KLHL23: variants seen among roughly 807,000 people sequenced by gnomAD.
KLHL23 encodes kelch like family member 23.
In KLHL23, 33 loss-of-function variants were observed where a neutral mutation model predicts 48.9. That is an observed-to-expected ratio of 0.67 (90% CI 0.51 to 0.90). The LOEUF (loss-of-function observed/expected upper bound fraction) is 0.90, where lower values mean the gene tolerates loss of function less well. Among genes scored for constraint, KLHL23 ranks in the 40% least tolerant of loss-of-function variants. The probability of loss-of-function intolerance (pLI) is 0.00; values close to 1 mark genes in which losing one functional copy is unlikely to be tolerated. For missense variants in KLHL23, 608 were observed against 669.6 expected (o/e 0.91, Z 1.02); for synonymous variants, 234 against 231.6 (o/e 1.01, Z -0.09).
chr2:169,740,784 A>ATATT (rs1404886432), intron 2 of KLHL23, among the ~76,000 whole-genome samples: 3 of 123,518 alleles, frequency 2.4e-5, no homozygotes, highest in Admixed American at 2.3e-4. Flanking sequence ...ATATATATAT[A>ATATT]TATATATAAC....
At chr2:169,748,316 G>A (rs1688846107) in intron 3 of KLHL23, among the ~76,000 whole-genome samples, 1 of 152,186 alleles carries the variant, frequency 6.6e-6, no homozygotes, top group African/African-American at 2.4e-5. Context: ...CTGGGGAGAG[G>A]AGAGACTTCA....
chr2:169,734,491 G>A (rs1355564349), intron 1 of KLHL23, among the ~76,000 whole-genome samples: 3 of 152,046 alleles, frequency 2.0e-5, no homozygotes, highest in Non-Finnish European at 4.4e-5. Context: ...GCTGCGCCGA[G>A]CTGCCTTCCT....
At chr2:169,740,769 TATATATATA>T (rs1688657127) in intron 2 of KLHL23, among the ~76,000 whole-genome samples, 3 of 86,964 alleles carry the variant, frequency 3.4e-5, no homozygotes, top group African/African-American at 2.0e-4. Flanking sequence ...TTTTATATTA[TATATATATA>T]TATATATATA....
chr2:169,735,073 T>C lies in KLHL23; in HGVS notation c.59T>C (p.Val20Ala). ...CTTTTCAAGGATTCAACACATCCAG[T>C]GGATTTTCTGGATGCATTCAGAACA... ...IYLFKDSTHP[V>A]DFLDAFRTFY... Residue 20 changes from valine to alanine, a missense_variant, in exon 2 of 4, where the codon GTG (valine) becomes GCG (alanine). Transcript: ENST00000392647. This position sits in a 1 kb window ranked among gnomAD's most constrained non-coding sequence, Gnocchi z 4.5. 1.3e-6 allele frequency: 2 copies of C among 1,597,458 alleles called. No homozygotes were observed. Among genetic ancestry groups the C allele is most frequent in the African/African-American group, 2.7e-5 (2 of 74,138 alleles).
chr2:169,747,818 G>T (rs539204039), intron 3 of KLHL23, among the ~76,000 whole-genome samples: 1 of 152,242 alleles, frequency 6.6e-6, no homozygotes, highest in South Asian at 2.1e-4. Flanking sequence ...TTCCTGTGCT[G>T]CCAGGAGGGA....
chr2:169,739,079 G>A (rs1205659953), intron 2 of KLHL23, among the ~76,000 whole-genome samples: 1 of 118,304 alleles, frequency 8.5e-6, no homozygotes, highest in African/African-American at 3.3e-5. Flanking sequence ...TCCCCTCCTC[G>A]ACTTCCCCCA....
chr2:169,735,007 T>C lies in KLHL23; in HGVS notation c.-2-6T>C. The C allele has an allele frequency of 6.6e-7, 1 of 1,523,772 alleles. No individual in the cohort carries two copies. The highest frequency in any genetic ancestry group is 8.8e-7 in the Non-Finnish European group (1 of 1,141,702). 94.4% of individuals were successfully genotyped at this position (1,523,772 alleles called of 1,614,324 possible). ...AAACACATTTGTTATTTCATATTTA[T>C]TGCAGCCATGGCTCTAAAAGGACAA... is the stretch of plus-strand genomic sequence containing the variant. On this transcript the variant is annotated splice_region_variant and splice_polypyrimidine_tract_variant and intron_variant, in intron 1 of 3. Coordinates refer to ENST00000392647, the MANE Select transcript of KLHL23 (RefSeq NM_144711.6). This position sits in a 1 kb window ranked among gnomAD's most constrained non-coding sequence, Gnocchi z 4.5.
intron 2 of KLHL23, among the ~76,000 whole-genome samples, chr2:169,738,836 C>G (rs868676309): frequency 6.4e-4 from 8 of 12,420 alleles, no homozygotes; most frequent in East Asian, 8.5e-3. Flanking sequence ...TCCTCCCCCT[C>G]CTCCCCCTCC....
chr2:169,750,015 G>GCGTGTATGTATACATATATGTGTATATA lies in KLHL23; in HGVS notation c.*283_*284insCGTGTATGTATACATATATGTGTATATA. 1 of 102,774 alleles carries GCGTGTATGTATACATATATGTGTATATA rather than the reference G, an allele frequency of 9.7e-6. No homozygotes were observed. The highest frequency in any genetic ancestry group is 1.8e-5 in the Non-Finnish European group (1 of 54,074). 6.4% of individuals were successfully genotyped at this position (102,774 alleles called of 1,614,324 possible). ...TGTATACATATATGTGTATATATACGTATGTATGTATACATATGTGTATAT... is the reference window on the plus strand; with the variant it reads ...TGTATACATATATGTGTATATATACGCGTGTATGTATACATATATGTGTATATATATGTATGTATACATATGTGTATAT... On this transcript the variant is annotated 3_prime_UTR_variant, in exon 4 of 4. Transcript: ENST00000392647.
chr2:169,745,390 G>T (rs1482985660), intron 3 of KLHL23, among the ~76,000 whole-genome samples: 1 of 151,964 alleles, frequency 6.6e-6, no homozygotes, highest in Non-Finnish European at 1.5e-5. Context: ...GCGGGCACCT[G>T]TAGTCCTAGC....
intron 3 of KLHL23, among the ~76,000 whole-genome samples, chr2:169,742,864 T>C (rs951121178): frequency 1.3e-5 from 2 of 152,226 alleles, no homozygotes; most frequent in Non-Finnish European, 2.9e-5. Context: ...GAGAAATAGC[T>C]AGCATTTATT....
chr2:169,742,531 G>T (rs62173313), intron 3 of KLHL23, among the ~76,000 whole-genome samples: 10,082 of 152,272 alleles, frequency 0.066, 364 homozygotes, highest in Non-Finnish European at 0.088. Flanking sequence ...TCCATAACTT[G>T]TGCTGTAGCC....
chr2:169,734,439 A>G (rs1688461876), intron 1 of KLHL23, among the ~76,000 whole-genome samples: 1 of 149,254 alleles, frequency 6.7e-6, no homozygotes. Context: ...GCGCGCGGAA[A>G]CCCCTGCGGC....
chr2:169,740,766 T>TTTTATA (rs1553477016), intron 2 of KLHL23, among the ~76,000 whole-genome samples: 16,517 of 125,174 alleles, frequency 0.13, 1,507 homozygotes, highest in South Asian at 0.25. Flanking sequence ...CTTTTTTATA[T>TTTTATA]TATATATATA....
chr2:169,749,989 A>T lies in KLHL23; in HGVS notation c.*257A>T, dbSNP rs1443087469. On this transcript the variant is annotated 3_prime_UTR_variant, in exon 4 of 4. Coordinates refer to ENST00000392647, the MANE Select transcript of KLHL23 (RefSeq NM_144711.6). ...TACATATATATGTGTATATATACGTATGTATACATATATGTGTATATATAC... is the reference window on the plus strand; with the variant it reads ...TACATATATATGTGTATATATACGTTTGTATACATATATGTGTATATATAC... 1 of 197,614 alleles carries T rather than the reference A, an allele frequency of 5.1e-6. No homozygotes were observed. Among genetic ancestry groups the T allele is most frequent in the African/African-American group, 2.5e-5 (1 of 39,304 alleles). 12.2% of individuals were successfully genotyped at this position (197,614 alleles called of 1,614,324 possible).
At chr2:169,745,027 C>G (rs12996350) in intron 3 of KLHL23, among the ~76,000 whole-genome samples, 1 of 151,324 alleles carries the variant, frequency 6.6e-6, no homozygotes, top group South Asian at 2.1e-4. Context: ...ATTCTTGTGT[C>G]TCAGCCTCCC....
chr2:169,739,844 G>A (rs560067111), intron 2 of KLHL23, among the ~76,000 whole-genome samples: 3 of 152,200 alleles, frequency 2.0e-5, no homozygotes, highest in Non-Finnish European at 4.4e-5. Flanking sequence ...CACCTAGGCT[G>A]TGTGGTATAG....
At chr2:169,741,262 C>T in intron 2 of KLHL23, 123 bp from the exon 3 acceptor site, 3 of 1,330,082 alleles carry the variant, frequency 2.3e-6, no homozygotes, top group Non-Finnish European at 3.0e-6. Flanking sequence ...CCTTATAGCA[C>T]TTAGCACAGT....
In KLHL23 at chr2:169,749,576, T is replaced by C; in HGVS notation, c.1521T>C (p.Asn507=). 3 of 1,614,096 alleles carry C rather than the reference T, an allele frequency of 1.9e-6. No homozygotes were observed. Among genetic ancestry groups the C allele is most frequent in the Non-Finnish European group, 2.5e-6 (3 of 1,180,020 alleles). The change falls in exon 4 of 4, where the codon AAT becomes AAC. Residue 507 remains asparagine, a synonymous_variant. Transcript: ENST00000392647. ...RRMECGAVIM[N]GCIYVTGGYS... Reference sequence around the variant, plus strand: ...TGGAGTGCGGTGCCGTCATCATGAATGGATGTATTTATGTCACTGGAGGAT... The same window carrying C: ...TGGAGTGCGGTGCCGTCATCATGAACGGATGTATTTATGTCACTGGAGGAT...
Sources: allele counts gnomAD v4.1 joint callset (sites outside exome capture counted in the v4.1 genomes callset), GRCh38; gene constraint gnomAD v4.1.1; non-coding constraint Gnocchi (gnomAD v3.1); transcripts MANE v1.5; gene names NCBI Gene and HGNC (gene_info 2026-07-23, HGNC 2026-07-21).